ERICH5: variants seen among roughly 807,000 people sequenced by gnomAD.
ERICH5 encodes glutamate-rich protein 5.
Under a neutral mutation model 28.0 loss-of-function variants are expected in ERICH5, and 24 were observed. The observed-to-expected ratio is 0.86, with a 90% CI of 0.62 to 1.21. The LOEUF is 1.21. Ranked by LOEUF, ERICH5 falls within the 50% of genes most tolerant of loss-of-function variation. The pLI is 0.00. For missense variants in ERICH5, 421 were observed against 441.2 expected (o/e 0.95, Z 0.41); for synonymous variants, 163 against 157.6 (o/e 1.03, Z -0.25).
intron 1 of ERICH5, among the ~76,000 whole-genome samples, chr8:98,071,861 T>C (rs1472480510): frequency 6.6e-6 from 1 of 152,016 alleles, no homozygotes; most frequent in Non-Finnish European, 1.5e-5. Flanking sequence ...AGGATGAATA[T>C]TGAAAAAAAC....
intron 2 of ERICH5, among the ~76,000 whole-genome samples, chr8:98,091,900 C>CT: frequency 1.2e-4 from 9 of 74,674 alleles, no homozygotes; most frequent in African/African-American, 4.5e-4. Context: ...TTCTTTCTTT[C>CT]CTTTCTTTCT....
chr8:98,076,435 AG>A (rs1435644706), intron 1 of ERICH5, among the ~76,000 whole-genome samples: 1 of 149,810 alleles, frequency 6.7e-6, no homozygotes, highest in African/African-American at 2.5e-5. Context: ...GCAGAGGCTT[AG>A]CAAACCCAGC....
In ERICH5 at chr8:98,089,513, GAGA is replaced by G. The variant is rs1474790406; in HGVS notation, c.499_501del (p.Lys167del). 1 of 1,614,214 alleles carries G rather than the reference GAGA, an allele frequency of 6.2e-7. No homozygotes were observed. Among genetic ancestry groups the G allele is most frequent in the South Asian group, 1.1e-5 (1 of 91,080 alleles). ...GGGTCAGCCTTTGCAGGCAGCAGTA[GAGA>G]AGGACTCTCTCAGAGCAGTGGAGGT... On this transcript the variant is annotated inframe_deletion, in exon 2 of 3. Coordinates refer to ENST00000318528, the MANE Select transcript of ERICH5 (RefSeq NM_173549.3).
intron 1 of ERICH5, among the ~76,000 whole-genome samples, chr8:98,080,827 C>T (rs189884257): frequency 3.7e-3 from 557 of 151,664 alleles, no homozygotes; most frequent in Middle Eastern, 6.8e-3. Flanking sequence ...CTCAGTCTTC[C>T]GAGTAGCTGA....
At chr8:98,071,752 C>A (rs10095756) in intron 1 of ERICH5, among the ~76,000 whole-genome samples, 5 of 152,022 alleles carry the variant, frequency 3.3e-5, no homozygotes, top group Non-Finnish European at 7.4e-5. Flanking sequence ...AGGGCTATTG[C>A]TGTTTTTCAC....
intron 1 of ERICH5, among the ~76,000 whole-genome samples, chr8:98,084,932 A>G (rs1173552302): frequency 6.6e-6 from 1 of 151,912 alleles, no homozygotes; most frequent in African/African-American, 2.4e-5. Context: ...CCAGTCTCCA[A>G]AGAGCCACCG....
chr8:98,078,736 A>G (rs1815108817), intron 1 of ERICH5, among the ~76,000 whole-genome samples: 1 of 152,224 alleles, frequency 6.6e-6, no homozygotes, highest in Non-Finnish European at 1.5e-5. Context: ...TCAATTTACA[A>G]CAGAATCAAG....
At chr8:98,070,677 A>G (rs1420654065) in intron 1 of ERICH5, among the ~76,000 whole-genome samples, 25 of 147,702 alleles carry the variant, frequency 1.7e-4, no homozygotes, top group Non-Finnish European at 2.6e-4. Context: ...AAAAAAAAAA[A>G]AAAAAGAAAA....
chr8:98,073,482 AT>A (rs1814976697), intron 1 of ERICH5, among the ~76,000 whole-genome samples: 4 of 2,580 alleles, frequency 1.6e-3, no homozygotes, highest in Non-Finnish European at 1.9e-3. Context: ...ATATATATAT[AT>A]ATGTATATAT....
chr8:98,085,767 C>A (rs988839890), intron 1 of ERICH5, among the ~76,000 whole-genome samples: 7 of 152,246 alleles, frequency 4.6e-5, no homozygotes, highest in African/African-American at 1.7e-4. Context: ...CAGCCTCCAG[C>A]CGCACTATCC....
intron 1 of ERICH5, among the ~76,000 whole-genome samples, chr8:98,070,368 A>G (rs1814890568): frequency 6.6e-6 from 1 of 151,942 alleles, no homozygotes; most frequent in Non-Finnish European, 1.5e-5. Context: ...AAAGAAAAGA[A>G]AAAAGAGGCC....
At chr8:98,090,463 T>G (rs1262100033) in intron 2 of ERICH5, among the ~76,000 whole-genome samples, 1 of 151,990 alleles carries the variant, frequency 6.6e-6, no homozygotes, top group Non-Finnish European at 1.5e-5. Flanking sequence ...GAAGCTTATC[T>G]TAGAAAATGA....
chr8:98,074,309 C>T (rs764980375), intron 1 of ERICH5, among the ~76,000 whole-genome samples: 3 of 151,978 alleles, frequency 2.0e-5, no homozygotes, highest in African/African-American at 7.3e-5. Flanking sequence ...AAGTGGTATG[C>T]GAATGGCTAC....
In ERICH5 at chr8:98,067,706, C is replaced by T. The variant is rs1234041448; in HGVS notation, c.58+2979C>T. Among the ~76,000 whole-genome samples, 4 of 151,672 alleles carry T rather than the reference C, an allele frequency of 2.6e-5. No individual in the cohort carries two copies. In the East Asian group the frequency reaches 7.8e-4, roughly 29 times the overall value. On this transcript the variant is annotated intron_variant, in intron 1 of 2. Transcript: ENST00000318528. ...TCTCGGCTCACTGCAACCTCGGCCT[C>T]CTGGGTTCAAGTGATTCTACTGCCT...
chr8:98,088,255 G>T (rs6998506), intron 1 of ERICH5, among the ~76,000 whole-genome samples: 2,704 of 152,176 alleles, frequency 0.018, 84 homozygotes, highest in African/African-American at 0.061. Flanking sequence ...TAAACATATT[G>T]CTTATCTTAA....
intron 1 of ERICH5, among the ~76,000 whole-genome samples, chr8:98,070,869 C>G (rs1356480987): frequency 3.3e-5 from 5 of 151,912 alleles, no homozygotes; most frequent in Non-Finnish European, 7.4e-5. Context: ...GTAATATTGG[C>G]CAAGATGGGC....
chr8:98,092,777 C>CTTT (rs1038008713), intron 2 of ERICH5, among the ~76,000 whole-genome samples: 2 of 139,918 alleles, frequency 1.4e-5, no homozygotes, highest in Non-Finnish European at 3.1e-5. Context: ...TTTTCTTTTC[C>CTTT]TTTTTTTTTT....
chr8:98,086,885 A>G (rs1227914876), intron 1 of ERICH5, among the ~76,000 whole-genome samples: 1 of 149,052 alleles, frequency 6.7e-6, no homozygotes, highest in Non-Finnish European at 1.5e-5. Flanking sequence ...CAGGTGGCGG[A>G]GCTTGCAGTG....
At chr8:98,072,691 C>T (rs1330437353) in intron 1 of ERICH5, among the ~76,000 whole-genome samples, 1 of 152,036 alleles carries the variant, frequency 6.6e-6, no homozygotes, top group Non-Finnish European at 1.5e-5. Context: ...GATGTGCATT[C>T]CAGCTGCTCT....
Sources: allele counts gnomAD v4.1 joint callset (sites outside exome capture counted in the v4.1 genomes callset), GRCh38; gene constraint gnomAD v4.1.1; transcripts MANE v1.5; gene names NCBI Gene and HGNC (gene_info 2026-07-23, HGNC 2026-07-21).